The following HGF variants were observed in gnomAD, a reference collection of about 807,000 sequenced individuals.
HGF encodes fibroblast-derived tumor cytotoxic factor.
HGF carries 39 observed loss-of-function variants against 111.6 expected under a neutral mutation model. That is an observed-to-expected ratio of 0.35 (90% confidence interval 0.27 to 0.46). The LOEUF is 0.46. Among genes scored for constraint, HGF ranks in the 20% least tolerant of loss-of-function variants. The pLI is 1.00. For missense variants in HGF, 735 were observed against 910.5 expected (o/e 0.81, Z 2.48); for synonymous variants, 285 against 294.8 (o/e 0.97, Z 0.34).
At chr7:81,722,010 A>T (rs1039369708) in intron 9 of HGF, among the ~76,000 whole-genome samples, 1 of 152,122 alleles carries the variant, frequency 6.6e-6, no homozygotes, top group African/African-American at 2.4e-5. Context: ...GTAAATAAAA[A>T]TTTTTCCTTT....
chr7:81,717,923 A>T (rs1789756893), intron 10 of HGF, among the ~76,000 whole-genome samples: 1 of 152,152 alleles, frequency 6.6e-6, no homozygotes, highest in Non-Finnish European at 1.5e-5. Context: ...GCAATACTTT[A>T]TTTCTAATTC....
chr7:81,761,048 A>G lies in HGF; in HGVS notation c.254+1659T>C, dbSNP rs183533544. On this transcript the variant is annotated intron_variant, in intron 2 of 17. Transcript: ENST00000222390. ...GTGGGTCCAAGAGAGCTTATTTTCA[A>G]AGTTAAAAATCAGCAATGAGGTGTC... Among the ~76,000 whole-genome samples the G allele has an allele frequency of 7.2e-5, 11 of 152,234 alleles. No homozygotes were observed. The East Asian group carries it at 1.5e-3, about 21-fold the overall frequency.
intron 12 of HGF, 138 bp downstream of exon 12, chr7:81,711,343 T>A (rs2115805283): frequency 2.2e-6 from 1 of 464,880 alleles, no homozygotes; most frequent in South Asian, 5.0e-5. Flanking sequence ...AAATATATTT[T>A]AAAAAGTAAA....
In HGF at chr7:81,751,156, T is replaced by C. The variant is rs553868611; in HGVS notation, c.625+964A>G. 3.4e-5 allele frequency: 31 copies of C among 909,958 alleles called. No homozygotes were observed. The South Asian group carries it at 1.5e-3, about 45-fold the overall frequency. The allele number at this position is 909,958 out of a possible 1,614,324, so 56.4% of individuals were successfully genotyped here. On this transcript the variant is annotated intron_variant, in intron 5 of 17. Transcript: ENST00000222390. ...TAAATGAATATTTATGGAGGAAATATTTTTAAAAATATTTGGTTAATAACA... is the reference window on the plus strand; with the variant it reads ...TAAATGAATATTTATGGAGGAAATACTTTTAAAAATATTTGGTTAATAACA...
At chr7:81,755,377 A>T (rs1788710640) in intron 4 of HGF, 2 of 152,106 alleles carry the variant, frequency 1.3e-5, no homozygotes. Flanking sequence ...AATTGATGAA[A>T]ATTATGTGTT....
At chr7:81,754,735 T>A (rs1788677486) in intron 4 of HGF, among the ~76,000 whole-genome samples, 1 of 152,024 alleles carries the variant, frequency 6.6e-6, no homozygotes, top group African/African-American at 2.4e-5. Context: ...TGTTTTTTTT[T>A]GTTAGTGTCC....
intron 9 of HGF, 67 bp downstream of exon 9, chr7:81,725,823 T>C: frequency 3.2e-6 from 5 of 1,548,516 alleles, no homozygotes; most frequent in Non-Finnish European, 4.5e-6. Flanking sequence ...TGCTGTAAAA[T>C]GTGTCCTCCC....
intron 9 of HGF, among the ~76,000 whole-genome samples, chr7:81,724,034 A>C (rs888675317): frequency 1.3e-5 from 2 of 152,130 alleles, no homozygotes; most frequent in African/African-American, 4.8e-5. Context: ...CAAAATTTTC[A>C]TATTCTATTA....
At chr7:81,713,731 T>A (rs1401241669) in intron 11 of HGF, among the ~76,000 whole-genome samples, 1 of 152,142 alleles carries the variant, frequency 6.6e-6, no homozygotes, top group Non-Finnish European at 1.5e-5. Flanking sequence ...TAGGTTCTTC[T>A]GTTGCATGCC....
chr7:81,745,079 T>C lies in HGF; in HGVS notation c.667A>G (p.Met223Val). 3 of 1,612,914 alleles carry C rather than the reference T, an allele frequency of 1.9e-6. No individual in the cohort carries two copies. The highest frequency in any genetic ancestry group is 2.5e-6 in the Non-Finnish European group (3 of 1,178,910). Residue 223 changes from methionine to valine, a missense_variant, in exon 6 of 18, where the codon ATG becomes GTG. By Grantham distance (21) the Met-to-Val change is conservative. This residue lies in a region of HGF where 553 missense variants were observed against 685.6 expected (regional missense o/e 0.81). Coordinates refer to ENST00000222390, the MANE Select transcript of HGF (RefSeq NM_000601.6). ...ATCTTGCCTGATTCTGTATGATCCA[T>C]GAGACCTCGATAACTCTCCCCATTG... ...TCNGESYRGL[M>V]DHTESGKICQ...
At chr7:81,766,020 G>A (rs1043595359) in intron 1 of HGF, among the ~76,000 whole-genome samples, 14 of 152,142 alleles carry the variant, frequency 9.2e-5, no homozygotes, top group African/African-American at 1.7e-4. Context: ...CTCCCAGTAT[G>A]GGAAAACATT....
chr7:81,722,938 T>A (rs1475571339), intron 9 of HGF, among the ~76,000 whole-genome samples: 1 of 151,792 alleles, frequency 6.6e-6, no homozygotes, highest in African/African-American at 2.4e-5. Context: ...CGAACGTTTT[T>A]AAAGTGACTT....
intron 13 of HGF, among the ~76,000 whole-genome samples, chr7:81,707,953 A>G (rs1438367622): frequency 1.3e-5 from 2 of 152,170 alleles, no homozygotes; most frequent in Non-Finnish European, 2.9e-5. Flanking sequence ...AAAGTAAAAC[A>G]ATTTTGCAAG....
At chr7:81,713,198 C>T (rs1205133073) in intron 11 of HGF, among the ~76,000 whole-genome samples, 1 of 152,062 alleles carries the variant, frequency 6.6e-6, no homozygotes, top group Non-Finnish European at 1.5e-5. Context: ...TTAGTTAACT[C>T]TTGTATCTTA....
At chr7:81,703,784 T>C (rs146974884) in intron 17 of HGF, among the ~76,000 whole-genome samples, 2 of 151,716 alleles carry the variant, frequency 1.3e-5, no homozygotes, top group East Asian at 1.9e-4. Flanking sequence ...AATTAACTTA[T>C]GTGATTCAAA....
chr7:81,720,180 A>G (rs1789816348), intron 10 of HGF, among the ~76,000 whole-genome samples: 2 of 152,212 alleles, frequency 1.3e-5, no homozygotes, highest in African/African-American at 4.8e-5. Context: ...TCAACTACAT[A>G]TACATTCCTG....
chr7:81,766,274 G>A (rs766915724), intron 1 of HGF, among the ~76,000 whole-genome samples: 4 of 152,090 alleles, frequency 2.6e-5, no homozygotes, highest in Non-Finnish European at 4.4e-5. Flanking sequence ...GGATTTGCAG[G>A]GTGTGGAAAG....
chr7:81,755,877 C>T (rs190277969), intron 4 of HGF: 169 of 602,792 alleles, frequency 2.8e-4, no homozygotes, highest in African/African-American at 2.6e-3. Context: ...AGCTTGGACA[C>T]TTACTAGCTA....
chr7:81,764,646 A>G (rs182210051), intron 1 of HGF, among the ~76,000 whole-genome samples: 11 of 152,246 alleles, frequency 7.2e-5, no homozygotes, highest in Non-Finnish European at 1.6e-4. Context: ...TTAAGTAAAT[A>G]TTTGAAAATC....
Sources: allele counts gnomAD v4.1 joint callset (sites outside exome capture counted in the v4.1 genomes callset), GRCh38; gene constraint gnomAD v4.1.1; regional missense constraint gnomAD v4.1.1; transcripts MANE v1.5; gene names NCBI Gene and HGNC (gene_info 2026-07-23, HGNC 2026-07-21).